Variants in EDARADD observed in about 807,000 individuals in gnomAD.
The protein encoded by EDARADD is EDAR associated via death domain.
EDARADD carries 20 observed loss-of-function variants against 25.6 expected under a neutral mutation model. That is an observed-to-expected ratio of 0.78 (90% CI 0.55 to 1.14). The LOEUF is 1.14. Among genes scored for constraint, EDARADD ranks in the 50% most tolerant of loss-of-function variants. The pLI is 0.00. For synonymous variants in EDARADD, 86 were observed against 94.4 expected, an observed-to-expected ratio of 0.91 and a Z score of 0.52; for missense variants, 225 against 270.1, an observed-to-expected ratio of 0.83 and a Z score of 1.17.
intron 3 of EDARADD, among the ~76,000 whole-genome samples, chr1:236,426,643 C>A (rs917291972): frequency 5.9e-5 from 9 of 152,192 alleles, no homozygotes; most frequent in Admixed American, 5.9e-4. Flanking sequence ...CACAGTGGCT[C>A]ACACTAGTAA....
intron 3 of EDARADD, among the ~76,000 whole-genome samples, chr1:236,360,973 C>A (rs73119289): frequency 0.15 from 23,418 of 152,062 alleles, 2,314 homozygotes; most frequent in East Asian, 0.43. Flanking sequence ...GCAGCATTGC[C>A]AGGGCCTGGA....
intron 4 of EDARADD, among the ~76,000 whole-genome samples, chr1:236,442,550 G>A (rs1348240098): frequency 6.6e-6 from 1 of 152,216 alleles, no homozygotes; most frequent in African/African-American, 2.4e-5. Flanking sequence ...ATGACCTTAA[G>A]TTGAAGCTAA....
At chr1:236,366,372 C>A (rs1296295371) in intron 3 of EDARADD, among the ~76,000 whole-genome samples, 3 of 152,166 alleles carry the variant, frequency 2.0e-5, no homozygotes, top group African/African-American at 7.2e-5. Context: ...CTACTCAATG[C>A]CCTGTGAATT....
At position 236,480,096 on chromosome 1, in the gene EDARADD, C is replaced by CATATATATATAT. The variant is rs72215388; in HGVS notation, c.266-2142_266-2131dup. 5.5e-3 allele frequency among the ~76,000 whole-genome samples: 426 copies of CATATATATATAT among 77,710 alleles called. 10 individuals carry two copies. Among genetic ancestry groups the CATATATATATAT allele is most frequent in the African/African-American group, 8.5e-3 (136 of 16,056 alleles). 51.0% of individuals were successfully genotyped at this position (77,710 alleles called of 152,430 possible). On this transcript the variant is annotated intron_variant, in intron 5 of 5. Transcript: ENST00000334232. ...ATCTCAGTGTGCCTTTTAAGTATGCCATATATATATATATATATATATATA... is the reference window on the plus strand; with the variant it reads ...ATCTCAGTGTGCCTTTTAAGTATGCCATATATATATATATATATATATATATATATATATATA...
Position 236,484,476 on chromosome 1 carries a change from G to A in EDARADD, c.*1827G>A, listed in dbSNP as rs79905520. 3 of 1,606,598 alleles carry A rather than the reference G, an allele frequency of 1.9e-6. No homozygotes were observed. Among genetic ancestry groups the A allele is most frequent in the Admixed American group, 3.3e-5 (2 of 59,902 alleles). On this transcript the variant is annotated 3_prime_UTR_variant, in exon 6 of 6. Transcript: ENST00000334232. The surrounding 1 kb of genome is among the most constrained non-coding windows in gnomAD (Gnocchi z 4.1). ...AAACCCCCCAGCCAAGTAAGCTGTG[G>A]GCAGGCAAGCCCTTCAGTCACCTGG...
chr1:236,454,088 C>T (rs1658785187), intron 4 of EDARADD, among the ~76,000 whole-genome samples: 1 of 152,126 alleles, frequency 6.6e-6, no homozygotes, highest in Non-Finnish European at 1.5e-5. Context: ...CTCTGTTGCC[C>T]AGGCTGGAGT....
intron 3 of EDARADD, among the ~76,000 whole-genome samples, chr1:236,378,612 G>A (rs1572116128): frequency 1.3e-5 from 2 of 152,288 alleles, no homozygotes; most frequent in South Asian, 4.2e-4. Flanking sequence ...ACAGAGTGAT[G>A]ACTTCCAAGC....
rs1315521601 is a variant in EDARADD at position 236,395,933 on chromosome 1, C to G, written c.61+1428C>G. Among the ~76,000 whole-genome samples, 1 of 152,204 alleles carries G rather than the reference C, an allele frequency of 6.6e-6. No individual in the cohort carries two copies. The highest frequency in any genetic ancestry group is 6.5e-5 in the Admixed American group (1 of 15,284). ...CGCCTTCCCCCTGCCCATGCCGCAG[C>G]CCCCGTGGCTTTTGTTCTGGACTCG... On this transcript the variant is annotated intron_variant, in intron 1 of 5. Transcript: ENST00000334232. This position sits in a 1 kb window ranked among gnomAD's most constrained non-coding sequence, Gnocchi z 6.9.
chr1:236,467,426 GCACACACACA>G (rs376781528), intron 4 of EDARADD, among the ~76,000 whole-genome samples: 1 of 138,944 alleles, frequency 7.2e-6, no homozygotes, highest in Non-Finnish European at 1.5e-5. Flanking sequence ...ACACACACGC[GCACACACACA>G]CACACACACA....
chr1:236,426,018 C>T (rs1336633039), intron 3 of EDARADD, among the ~76,000 whole-genome samples: 1 of 151,672 alleles, frequency 6.6e-6, no homozygotes, highest in Non-Finnish European at 1.5e-5. Flanking sequence ...CACTCTGTCC[C>T]CCAGGCTGGA....
chr1:236,423,828 A>G (rs1657840163), intron 3 of EDARADD, among the ~76,000 whole-genome samples: 1 of 152,160 alleles, frequency 6.6e-6, no homozygotes, highest in African/African-American at 2.4e-5. Flanking sequence ...TAATCTGGCT[A>G]GATGCGGTGG....
chr1:236,389,359 A>T (rs1227982360), upstream of EDARADD, among the ~76,000 whole-genome samples: 5 of 152,234 alleles, frequency 3.3e-5, no homozygotes, highest in African/African-American at 1.2e-4. Context: ...GCAATACACC[A>T]TACTAAGAAT....
intron 5 of EDARADD, among the ~76,000 whole-genome samples, chr1:236,471,387 C>T (rs904901800): frequency 1.1e-4 from 17 of 149,608 alleles, no homozygotes; most frequent in African/African-American, 1.5e-4. Context: ...TGTGTGTGCG[C>T]GCCCCAAATT....
intron 3 of EDARADD, among the ~76,000 whole-genome samples, chr1:236,365,342 G>A (rs1667102066): frequency 6.6e-6 from 1 of 151,890 alleles, no homozygotes; most frequent in Admixed American, 6.6e-5. Flanking sequence ...TTTATCTTTT[G>A]TAGAAACAAG....
intron 3 of EDARADD, among the ~76,000 whole-genome samples, chr1:236,371,780 C>G (rs1211024157): frequency 6.6e-6 from 1 of 151,846 alleles, no homozygotes; most frequent in East Asian, 1.9e-4. Context: ...TCATGTTGAG[C>G]AGGCTGGTCT....
chr1:236,356,535 T>G (rs1010909186), intron 3 of EDARADD, among the ~76,000 whole-genome samples: 6 of 152,180 alleles, frequency 3.9e-5, no homozygotes, highest in Admixed American at 1.3e-4. Flanking sequence ...AAAGCTATTT[T>G]CATAGTATAC....
chr1:236,363,001 AAAAAAAT>A (rs1402248967), intron 3 of EDARADD, among the ~76,000 whole-genome samples: 16 of 96,480 alleles, frequency 1.7e-4, no homozygotes, highest in East Asian at 5.0e-4. Context: ...AAAAAAAAAA[AAAAAAAT>A]ATATATATAT....
intron 4 of EDARADD, among the ~76,000 whole-genome samples, chr1:236,463,406 G>C (rs888250219): frequency 1.3e-5 from 2 of 152,162 alleles, no homozygotes; most frequent in African/African-American, 4.8e-5. Context: ...TGATTCTCCT[G>C]CCTCAGCCTT....
intron 4 of EDARADD, among the ~76,000 whole-genome samples, chr1:236,456,531 C>G (rs1356391528): frequency 6.6e-6 from 1 of 152,148 alleles, no homozygotes; most frequent in Non-Finnish European, 1.5e-5. Context: ...CCTTCCTCGG[C>G]CTGTGACATC....
Sources: allele counts gnomAD v4.1 joint callset (sites outside exome capture counted in the v4.1 genomes callset), GRCh38; gene constraint gnomAD v4.1.1; non-coding constraint Gnocchi (gnomAD v3.1); transcripts MANE v1.5; gene names NCBI Gene and HGNC (gene_info 2026-07-23, HGNC 2026-07-21).